The following EFCAB6 variants were observed in gnomAD, a reference collection of about 807,000 sequenced individuals.
The protein encoded by EFCAB6 is EF-hand calcium-binding domain-containing protein 6.
A neutral mutation model predicts 169.8 loss-of-function variants in EFCAB6; 156 were observed. The observed-to-expected ratio is 0.92, with a 90% CI of 0.81 to 1.05. The LOEUF (loss-of-function observed/expected upper bound fraction) is 1.05, where lower values mean the gene tolerates loss of function less well. Ranked by LOEUF, EFCAB6 falls within the 50% of genes least tolerant of loss-of-function variation. The pLI is 0.00. For missense variants in EFCAB6, 1,800 were observed against 1,829.1 expected, an observed-to-expected ratio of 0.98 and a Z score of 0.29; for synonymous variants, 698 against 676.4, an observed-to-expected ratio of 1.03 and a Z score of -0.50.
At chr22:43,709,083 T>C (rs760355118) in intron 10 of EFCAB6, among the ~76,000 whole-genome samples, 26 of 152,126 alleles carry the variant, frequency 1.7e-4, no homozygotes, top group Non-Finnish European at 3.5e-4. Context: ...AATTTGTTAT[T>C]TATTTCTTCA....
chr22:43,693,166 C>G (rs1338123344), intron 10 of EFCAB6, among the ~76,000 whole-genome samples: 3 of 152,002 alleles, frequency 2.0e-5, no homozygotes, highest in Admixed American at 6.6e-5. Context: ...CTTTATAAAA[C>G]AAGATCCAAA....
At chr22:43,774,815 C>T (rs967743472) in intron 3 of EFCAB6, among the ~76,000 whole-genome samples, 3 of 151,744 alleles carry the variant, frequency 2.0e-5, no homozygotes, top group Non-Finnish European at 2.9e-5. Context: ...ACAAGCAGAG[C>T]TGCATCGGCC....
At chr22:43,647,517 A>G (rs2056236266) in intron 17 of EFCAB6, among the ~76,000 whole-genome samples, 1 of 152,246 alleles carries the variant, frequency 6.6e-6, no homozygotes, top group Non-Finnish European at 1.5e-5. Context: ...CCCTATTTTA[A>G]GGGTTATACA....
At chr22:43,683,462 C>T (rs1332471180) in intron 12 of EFCAB6, among the ~76,000 whole-genome samples, 4 of 152,200 alleles carry the variant, frequency 2.6e-5, no homozygotes, top group Non-Finnish European at 4.4e-5. Context: ...TCAGTCACTG[C>T]AACTATTACG....
intron 21 of EFCAB6, among the ~76,000 whole-genome samples, chr22:43,608,806 C>T (rs572523165): frequency 6.6e-6 from 1 of 152,226 alleles, no homozygotes; most frequent in South Asian, 2.1e-4. Flanking sequence ...AATTAGGGGT[C>T]GGAAGGGGGT....
chr22:43,722,252 C>T (rs1349471878), intron 8 of EFCAB6, among the ~76,000 whole-genome samples: 2 of 151,978 alleles, frequency 1.3e-5, no homozygotes, highest in Admixed American at 1.3e-4. Context: ...AAAGGCAGGG[C>T]GTGGTGGCTC....
intron 4 of EFCAB6, among the ~76,000 whole-genome samples, chr22:43,769,430 T>A (rs1603351009): frequency 6.6e-6 from 1 of 152,132 alleles, no homozygotes; most frequent in Admixed American, 6.5e-5. Flanking sequence ...CGAAACTCTA[T>A]GAATATATGA....
chr22:43,577,315 G>A (rs1296866246), intron 25 of EFCAB6, among the ~76,000 whole-genome samples: 1 of 152,172 alleles, frequency 6.6e-6, no homozygotes, highest in Non-Finnish European at 1.5e-5. Context: ...TAGCATGCCT[G>A]CAAACCCCAC....
At chr22:43,653,331 A>G (rs1479187723) in intron 17 of EFCAB6, among the ~76,000 whole-genome samples, 2 of 151,396 alleles carry the variant, frequency 1.3e-5, no homozygotes, top group Non-Finnish European at 2.9e-5. Context: ...TAGAGAAAAA[A>G]AAGACACATT....
chr22:43,566,880 C>A (rs954135096), intron 26 of EFCAB6, among the ~76,000 whole-genome samples: 1 of 152,126 alleles, frequency 6.6e-6, no homozygotes, highest in Non-Finnish European at 1.5e-5. Context: ...CCTCGGCTCT[C>A]CAGACAGAAC....
intron 6 of EFCAB6, among the ~76,000 whole-genome samples, chr22:43,754,833 C>A (rs972117567): frequency 1.3e-5 from 2 of 152,148 alleles, no homozygotes; most frequent in Non-Finnish European, 2.9e-5. Flanking sequence ...GACATATACC[C>A]CTAAGTAATA....
chr22:43,786,541 G>A (rs1363646097), intron 2 of EFCAB6, among the ~76,000 whole-genome samples: 2 of 151,730 alleles, frequency 1.3e-5, no homozygotes, highest in Admixed American at 6.6e-5. Context: ...CTAACATGGT[G>A]AAACCCCGTC....
chr22:43,732,444 T>A (rs1041838992), intron 7 of EFCAB6, among the ~76,000 whole-genome samples: 7 of 151,594 alleles, frequency 4.6e-5, no homozygotes, highest in African/African-American at 1.7e-4. Flanking sequence ...CCACTGTCTA[T>A]TCCTGAAACA....
At chr22:43,791,320 C>T (rs374471920) in intron 2 of EFCAB6, among the ~76,000 whole-genome samples, 7 of 149,920 alleles carry the variant, frequency 4.7e-5, no homozygotes, top group African/African-American at 7.4e-5. Context: ...TTGCAGTGAG[C>T]GGAGACCACA....
In EFCAB6 at chr22:43,547,197, A is replaced by G. The variant is rs191945386; in HGVS notation, c.3649-6840T>C. On this transcript the variant is annotated intron_variant, in intron 27 of 31. Coordinates refer to ENST00000262726, the MANE Select transcript of EFCAB6 (RefSeq NM_022785.4). ...ATCGGAGTTAGGGCAACTCAATGTC[A>G]TGTGCCCTGTAGCGCTCATGAGGAA... Among the ~76,000 whole-genome samples the G allele has an allele frequency of 5.2e-3, 791 of 152,322 alleles. 4 individuals are homozygous for G. Among genetic ancestry groups the G allele is most frequent in the Middle Eastern group, 0.041 (12 of 294 alleles).
chr22:43,640,084 GTTACT>G (rs1259193849), intron 17 of EFCAB6, among the ~76,000 whole-genome samples: 2 of 151,806 alleles, frequency 1.3e-5, no homozygotes, highest in Non-Finnish European at 2.9e-5. Flanking sequence ...TTTTATAATG[GTTACT>G]TTAAAGTCTT....
intron 17 of EFCAB6, among the ~76,000 whole-genome samples, chr22:43,651,384 G>A (rs899016493): frequency 6.6e-6 from 1 of 152,252 alleles, no homozygotes; most frequent in Non-Finnish European, 1.5e-5. Flanking sequence ...GTGCACAGAA[G>A]TCAAGAATTG....
Position 43,554,720 on chromosome 22 carries a change from G to A in EFCAB6, c.3648+149C>T, listed in dbSNP as rs979694747. 88 of 673,910 alleles carry A rather than the reference G, an allele frequency of 1.3e-4. No individual in the cohort carries two copies. The East Asian group carries it at 2.4e-3, about 18-fold the overall frequency. The allele number at this position is 673,910 out of a possible 1,614,324, so 41.7% of individuals were successfully genotyped here. A position where few individuals can be genotyped will look rare whatever the true frequency, so the allele number is the denominator to read the frequency against. ...TGTTACATAAACAGAAGATTCCTGT[G>A]AATCTTCAGGAAGATTGAAAAACAA... On this transcript the variant is annotated intron_variant, in intron 27 of 31. Coordinates refer to ENST00000262726, the MANE Select transcript of EFCAB6 (RefSeq NM_022785.4).
At chr22:43,785,910 C>T (rs2062059193) in intron 2 of EFCAB6, among the ~76,000 whole-genome samples, 1 of 152,086 alleles carries the variant, frequency 6.6e-6, no homozygotes, top group African/African-American at 2.4e-5. Flanking sequence ...TGGAAATATT[C>T]TTAGGAAGAT....
Sources: allele counts gnomAD v4.1 joint callset (sites outside exome capture counted in the v4.1 genomes callset), GRCh38; gene constraint gnomAD v4.1.1; transcripts MANE v1.5; gene names NCBI Gene and HGNC (gene_info 2026-07-23, HGNC 2026-07-21).